MUSK: variants seen among roughly 807,000 people sequenced by gnomAD.
MUSK encodes the protein muscle, skeletal receptor tyrosine-protein kinase.
MUSK carries 55 observed loss-of-function variants against 88.7 expected under a neutral mutation model. The ratio of observed to expected loss-of-function variants is 0.62; its 90% CI spans 0.50 to 0.78. The LOEUF (loss-of-function observed/expected upper bound fraction) is 0.78. MUSK is among the 30% of genes least tolerant of loss of function. The pLI, the probability that MUSK is intolerant of heterozygous loss-of-function variation, is 0.00. For missense variants in MUSK, 1,015 were observed against 1,074.3 expected (o/e 0.94, Z 0.77); for synonymous variants, 387 against 391.9 (o/e 0.99, Z 0.15).
chr9:110,778,608 T>G (rs1055293170), intron 11 of MUSK, among the ~76,000 whole-genome samples: 3 of 152,066 alleles, frequency 2.0e-5, no homozygotes, highest in African/African-American at 7.2e-5. Flanking sequence ...GTCCTCCATT[T>G]TACTTACAAC....
intron 8 of MUSK, among the ~76,000 whole-genome samples, chr9:110,763,302 A>C (rs1490568188): frequency 6.6e-6 from 1 of 151,928 alleles, no homozygotes; most frequent in Non-Finnish European, 1.5e-5. Flanking sequence ...TTCTCAGTTC[A>C]AAAAAAAGAA....
chr9:110,686,835 T>G (rs1268697774), intron 2 of MUSK, among the ~76,000 whole-genome samples: 1 of 152,196 alleles, frequency 6.6e-6, no homozygotes, highest in Non-Finnish European at 1.5e-5. Context: ...TATGCTTTTC[T>G]GAATAAAGTA....
chr9:110,694,886 A>G (rs923419409), intron 3 of MUSK, among the ~76,000 whole-genome samples: 2 of 152,054 alleles, frequency 1.3e-5, no homozygotes, highest in Non-Finnish European at 2.9e-5. Flanking sequence ...TTGTTAATAT[A>G]ATAATATCTG....
chr9:110,711,102 G>A (rs897090683), intron 5 of MUSK, among the ~76,000 whole-genome samples: 2 of 152,124 alleles, frequency 1.3e-5, no homozygotes, highest in Admixed American at 1.3e-4. Flanking sequence ...CCTGTTGTGG[G>A]GTCGGGGGAG....
intron 1 of MUSK, among the ~76,000 whole-genome samples, chr9:110,675,628 G>C (rs1198519669): frequency 1.4e-5 from 2 of 139,126 alleles, no homozygotes; most frequent in Non-Finnish European, 3.1e-5. Flanking sequence ...GGAGTGCAGC[G>C]GTGCGGTCTC....
intron 5 of MUSK, among the ~76,000 whole-genome samples, chr9:110,722,077 T>G (rs1457566327): frequency 6.6e-6 from 1 of 152,062 alleles, no homozygotes; most frequent in Admixed American, 6.6e-5. Context: ...CTCTCACCTT[T>G]TACAAAAATC....
chr9:110,763,208 G>GA (rs1287722371), intron 8 of MUSK, among the ~76,000 whole-genome samples: 1 of 152,070 alleles, frequency 6.6e-6, no homozygotes, highest in Non-Finnish European at 1.5e-5. Context: ...CACATTATAT[G>GA]AAAAATTAAA....
chr9:110,741,161 C>T (rs2077092828), intron 6 of MUSK, among the ~76,000 whole-genome samples: 1 of 152,102 alleles, frequency 6.6e-6, no homozygotes, highest in South Asian at 2.1e-4. Flanking sequence ...CAAAGGTAAC[C>T]ATGTGAGATG....
At chr9:110,800,263 A>G (rs1251745169) in intron 14 of MUSK, 43 bp from the exon 15 acceptor site, 1 of 1,536,602 alleles carries the variant, frequency 6.5e-7, no homozygotes, top group South Asian at 1.2e-5. Context: ...CCATTGTTTC[A>G]TTGTAGAAAC....
intron 5 of MUSK, among the ~76,000 whole-genome samples, chr9:110,723,603 A>G (rs2076845106): frequency 1.3e-5 from 2 of 152,088 alleles, no homozygotes; most frequent in African/African-American, 2.4e-5. Flanking sequence ...AATTGTTTGT[A>G]TTAATCCTCC....
intron 1 of MUSK, among the ~76,000 whole-genome samples, chr9:110,678,898 G>GTTGT (rs1054331089): frequency 1.3e-5 from 2 of 151,222 alleles, no homozygotes; most frequent in African/African-American, 2.4e-5. Context: ...GGGATTTTTT[G>GTTGT]TTTTTTTGCT....
chr9:110,761,566 G>GTT (rs2077399507), intron 7 of MUSK, among the ~76,000 whole-genome samples: 1 of 89,626 alleles, frequency 1.1e-5, no homozygotes, highest in Non-Finnish European at 2.3e-5. Flanking sequence ...TCCACATCTT[G>GTT]CTTTTTTTTT....
At chr9:110,709,833 A>G (rs1443165176) in intron 5 of MUSK, among the ~76,000 whole-genome samples, 2 of 152,154 alleles carry the variant, frequency 1.3e-5, no homozygotes, top group Non-Finnish European at 2.9e-5. Flanking sequence ...ATATAGTTCA[A>G]TTCCTTAGTT....
In MUSK at chr9:110,780,698, G is replaced by A. The variant is rs186643819; in HGVS notation, c.1384+4043G>A. 2.2e-3 allele frequency among the ~76,000 whole-genome samples: 341 copies of A among 152,250 alleles called. 1 individual carries two copies. The highest frequency in any genetic ancestry group is 3.4e-3 in the Non-Finnish European group (230 of 68,010). On this transcript the variant is annotated intron_variant, in intron 11 of 14. Transcript: ENST00000374448. ...TCACTCTTTTCTAGCTTCTAGTGTTGGAAGCAGGTAGTCTGGTGTGAATTT... is the reference window on the plus strand; with the variant it reads ...TCACTCTTTTCTAGCTTCTAGTGTTAGAAGCAGGTAGTCTGGTGTGAATTT...
chr9:110,689,472 TA>T (rs1488513455), intron 3 of MUSK, among the ~76,000 whole-genome samples: 7 of 109,860 alleles, frequency 6.4e-5, no homozygotes, highest in South Asian at 2.6e-4. Flanking sequence ...TATATATATG[TA>T]AAAAATATAA....
intron 7 of MUSK, among the ~76,000 whole-genome samples, chr9:110,761,541 T>A (rs2077398893): frequency 6.7e-6 from 1 of 149,798 alleles, no homozygotes; most frequent in African/African-American, 2.4e-5. Context: ...GCTTTATGCA[T>A]CTTCTCTGTT....
Position 110,695,434 on chromosome 9 carries a change from G to C in MUSK, c.390G>C (p.Val130=). 6.5e-7 allele frequency: 1 copy of C among 1,530,762 alleles called. No individual in the cohort carries two copies. The highest frequency in any genetic ancestry group is 8.9e-7 in the Non-Finnish European group (1 of 1,127,474). 94.8% of individuals were successfully genotyped at this position (1,530,762 alleles called of 1,614,324 possible). ...AAATAACTCGTCCTCCCATAAATGT[G>C]AAAATAATAGAGGGATTAAAAGCAG... The part of the protein sequence containing the change: ...KPKITRPPIN[V]KIIEGLKAVL... The change falls in exon 4 of 15, where the codon GTG becomes GTC. Residue 130 remains valine (V), a synonymous_variant. Coordinates refer to ENST00000374448, the MANE Select transcript of MUSK (RefSeq NM_005592.4).
chr9:110,731,571 C>T (rs1165837175), intron 5 of MUSK, among the ~76,000 whole-genome samples: 3 of 152,008 alleles, frequency 2.0e-5, no homozygotes, highest in Non-Finnish European at 2.9e-5. Flanking sequence ...AATCCCTGGC[C>T]TTATTGTCCT....
chr9:110,755,979 C>CGT (rs111630775), intron 7 of MUSK, among the ~76,000 whole-genome samples: 32,127 of 102,540 alleles, frequency 0.31, 4,937 homozygotes, highest in Middle Eastern at 0.37. Flanking sequence ...TATATATATA[C>CGT]ATATATATAT....
Sources: allele counts gnomAD v4.1 joint callset (sites outside exome capture counted in the v4.1 genomes callset), GRCh38; gene constraint gnomAD v4.1.1; transcripts MANE v1.5; gene names NCBI Gene and HGNC (gene_info 2026-07-23, HGNC 2026-07-21).